Variants in PLCB1 observed in about 807,000 individuals in gnomAD.
PLCB1 encodes phospholipase C beta 1.
Under a neutral mutation model 161.8 loss-of-function variants are expected in PLCB1, and 46 were observed. That is an observed-to-expected ratio of 0.28 (90% CI 0.22 to 0.36). The LOEUF is 0.36. Among genes scored for constraint, PLCB1 ranks in the 10% least tolerant of loss-of-function variants. PLCB1 has a pLI of 1.00. For missense variants in PLCB1, 1,016 were observed against 1,472.5 expected, an observed-to-expected ratio of 0.69 and a Z score of 5.07; for synonymous variants, 517 against 503.7, an observed-to-expected ratio of 1.03 and a Z score of -0.35.
At chr20:8,725,851 C>T (rs1979905998) in intron 16 of PLCB1, among the ~76,000 whole-genome samples, 1 of 152,160 alleles carries the variant, frequency 6.6e-6, no homozygotes, top group Non-Finnish European at 1.5e-5. Flanking sequence ...ACCAGCTAGA[C>T]TCACAAACAA....
intron 1 of PLCB1, among the ~76,000 whole-genome samples, chr20:8,143,218 T>C (rs1462583539): frequency 1.3e-5 from 2 of 152,196 alleles, no homozygotes; most frequent in African/African-American, 2.4e-5. Context: ...TTATAGTCAC[T>C]GTCTCCCTGT....
At chr20:8,685,965 T>C (rs986120358) in intron 10 of PLCB1, among the ~76,000 whole-genome samples, 3 of 152,172 alleles carry the variant, frequency 2.0e-5, no homozygotes, top group Admixed American at 2.0e-4. Context: ...ATGCATAAAT[T>C]AAGTACCTAG....
At chr20:8,370,609 C>T (rs1444268462) in intron 2 of PLCB1, among the ~76,000 whole-genome samples, 1 of 152,116 alleles carries the variant, frequency 6.6e-6, no homozygotes, top group Admixed American at 6.6e-5. Flanking sequence ...TGGGAGGAAC[C>T]CCTCCCCAAC....
chr20:8,139,081 GTT>G (rs71329695), intron 1 of PLCB1, among the ~76,000 whole-genome samples: 93 of 91,638 alleles, frequency 1.0e-3, no homozygotes, highest in African/African-American at 2.9e-3. Flanking sequence ...TATTTCAAGG[GTT>G]TTTTTTTTTT....
chr20:8,851,368 G>T (rs1986878673), intron 31 of PLCB1, among the ~76,000 whole-genome samples: 1 of 152,166 alleles, frequency 6.6e-6, no homozygotes, highest in Non-Finnish European at 1.5e-5. Context: ...AGCAATTTAT[G>T]ATATATGTGT....
chr20:8,733,770 C>A (rs6056047), intron 19 of PLCB1, among the ~76,000 whole-genome samples: 143,760 of 147,312 alleles, frequency 0.98, 70,148 homozygotes, highest in East Asian at 1. Context: ...GCGCATGTAC[C>A]CTAAAACTTA....
chr20:8,815,123 ATTGT>A (rs145086511), intron 31 of PLCB1, among the ~76,000 whole-genome samples: 4,020 of 152,164 alleles, frequency 0.026, 164 homozygotes, highest in African/African-American at 0.092. Flanking sequence ...GCACTGCTTC[ATTGT>A]TTGTTCCAGT....
chr20:8,665,230 C>G (rs548343988), intron 9 of PLCB1, among the ~76,000 whole-genome samples: 1 of 152,292 alleles, frequency 6.6e-6, no homozygotes, highest in African/African-American at 2.4e-5. Flanking sequence ...TTGACTAGCC[C>G]TGCTCCCTAG....
intron 2 of PLCB1, among the ~76,000 whole-genome samples, chr20:8,323,558 CAGGATAGT>C (rs1985010862): frequency 6.6e-6 from 1 of 152,078 alleles, no homozygotes. Context: ...AGGATGGATT[CAGGATAGT>C]AGGGCTTCTC....
chr20:8,159,988 C>CAAAAAAAAAA (rs375028388), intron 2 of PLCB1, among the ~76,000 whole-genome samples: 11 of 79,276 alleles, frequency 1.4e-4, no homozygotes, highest in South Asian at 5.4e-4. Context: ...AACTCCATCT[C>CAAAAAAAAAA]AAAAAAAAAA....
chr20:8,555,451 C>G (rs956929031), intron 3 of PLCB1, among the ~76,000 whole-genome samples: 13 of 152,032 alleles, frequency 8.6e-5, no homozygotes, highest in Non-Finnish European at 1.5e-5. Flanking sequence ...GGCCATCCAC[C>G]ACTACCTGAA....
chr20:8,188,459 G>A (rs1457239856), intron 2 of PLCB1, among the ~76,000 whole-genome samples: 1 of 152,092 alleles, frequency 6.6e-6, no homozygotes, highest in Non-Finnish European at 1.5e-5. Context: ...GGTTGGTTAC[G>A]TGCAAATGCC....
intron 23 of PLCB1, among the ~76,000 whole-genome samples, chr20:8,754,604 T>C (rs1028370): frequency 0.58 from 88,727 of 151,962 alleles, 26,261 homozygotes; most frequent in South Asian, 0.71. Flanking sequence ...CCCCACGGAA[T>C]AGGGACATCT....
At chr20:8,307,091 C>CAA (rs765423250) in intron 2 of PLCB1, among the ~76,000 whole-genome samples, 4 of 152,206 alleles carry the variant, frequency 2.6e-5, no homozygotes, top group Non-Finnish European at 4.4e-5. Context: ...GGACATTTAG[C>CAA]TGGCATCCTG....
At chr20:8,250,651 CAT>C (rs1250566806) in intron 2 of PLCB1, among the ~76,000 whole-genome samples, 2 of 151,868 alleles carry the variant, frequency 1.3e-5, no homozygotes, top group African/African-American at 4.8e-5. Flanking sequence ...TAAGTTTACT[CAT>C]AGTGCATTTA....
At chr20:8,379,136 A>T (rs1048222779) in intron 3 of PLCB1, among the ~76,000 whole-genome samples, 2 of 149,264 alleles carry the variant, frequency 1.3e-5, no homozygotes, top group Non-Finnish European at 3.0e-5. Context: ...GGTTTGTGAC[A>T]TTCCCCTCCC....
At chr20:8,232,249 G>A (rs987486704) in intron 2 of PLCB1, among the ~76,000 whole-genome samples, 6 of 149,458 alleles carry the variant, frequency 4.0e-5, no homozygotes, top group Non-Finnish European at 7.4e-5. Context: ...GAGAGAGAGA[G>A]AAAAGATCAT....
chr20:8,360,705 C>T (rs1191505537), intron 2 of PLCB1, among the ~76,000 whole-genome samples: 1 of 152,140 alleles, frequency 6.6e-6, no homozygotes, highest in African/African-American at 2.4e-5. Flanking sequence ...TGAATTCCGT[C>T]TGTCTTGCCA....
At chr20:8,331,479 C>T (rs1405595285) in intron 2 of PLCB1, among the ~76,000 whole-genome samples, 1 of 152,060 alleles carries the variant, frequency 6.6e-6, no homozygotes, top group East Asian at 1.9e-4. Flanking sequence ...CAGGCTGATG[C>T]CTTTTGCAAG....
Sources: gnomAD v4.1 joint callset for allele counts (sites outside exome capture counted in the v4.1 genomes callset) on GRCh38, gnomAD v4.1.1 for gene constraint, MANE v1.5 for transcripts, NCBI Gene and HGNC (gene_info 2026-07-23, HGNC 2026-07-21) for gene names.